Variants in ADAM22 observed in about 807,000 individuals in gnomAD.
ADAM22 encodes the protein ADAM metallopeptidase domain 22, also known as disintegrin and metalloproteinase domain-containing protein 22.
ADAM22 carries 65 observed loss-of-function variants against 144.6 expected under a neutral mutation model. The ratio of observed to expected loss-of-function variants is 0.45; its 90% CI spans 0.37 to 0.55. ADAM22 has a LOEUF of 0.55. Ranked by LOEUF, ADAM22 falls within the 20% of genes least tolerant of loss-of-function variation. The pLI is 0.00. For synonymous variants in ADAM22, 391 were observed against 412.6 expected, an observed-to-expected ratio of 0.95 and a Z score of 0.63; for missense variants, 974 against 1,184.9, an observed-to-expected ratio of 0.82 and a Z score of 2.61.
At chr7:88,174,836 A>G (rs1845243842) in intron 26 of ADAM22, among the ~76,000 whole-genome samples, 1 of 151,554 alleles carries the variant, frequency 6.6e-6, no homozygotes, top group Non-Finnish European at 1.5e-5. Flanking sequence ...TAGCCACTTT[A>G]TTTTCTACTT....
intron 3 of ADAM22, among the ~76,000 whole-genome samples, chr7:88,024,213 G>A (rs1319449731): frequency 6.6e-6 from 1 of 152,092 alleles, no homozygotes. Flanking sequence ...CTAACAATGG[G>A]ATTTCTGGAT....
At chr7:88,194,778 C>G (rs1384361030) in intron 31 of ADAM22, among the ~76,000 whole-genome samples, 1 of 152,164 alleles carries the variant, frequency 6.6e-6, no homozygotes, top group Non-Finnish European at 1.5e-5. Context: ...ATCTGAGCAT[C>G]AGTTCAGATC....
chr7:88,062,219 A>G (rs889764731), intron 3 of ADAM22, among the ~76,000 whole-genome samples: 33 of 152,182 alleles, frequency 2.2e-4, no homozygotes, highest in Admixed American at 1.3e-4. Flanking sequence ...TCTTCTTCCA[A>G]TAAAAGGCTG....
chr7:88,184,179 C>A, intron 29 of ADAM22: 1 of 184,512 alleles, frequency 5.4e-6, no homozygotes, highest in Non-Finnish European at 1.2e-5. Flanking sequence ...ATAAAATGTC[C>A]TCATATATTG....
chr7:88,039,464 A>AAAAAAAAAAAAAAAAATATATATATATAT, intron 3 of ADAM22, among the ~76,000 whole-genome samples: 3 of 76,400 alleles, frequency 3.9e-5, no homozygotes, highest in African/African-American at 1.4e-4. Context: ...AAAAAAAAAA[A>AAAAAAAAAAAAAAAAATATATATATATAT]ATATATATAT....
At chr7:88,158,988 T>A (rs1840787540) in intron 22 of ADAM22, among the ~76,000 whole-genome samples, 1 of 150,710 alleles carries the variant, frequency 6.6e-6, no homozygotes, top group Non-Finnish European at 1.5e-5. Context: ...TTTGGAAAAA[T>A]TAATAAGATA....
chr7:87,947,743 A>G (rs1456447308), intron 2 of ADAM22, among the ~76,000 whole-genome samples: 1 of 152,160 alleles, frequency 6.6e-6, no homozygotes, highest in Admixed American at 6.5e-5. Context: ...GTGTTTTCTT[A>G]AGTGTTCTGA....
At chr7:87,949,371 C>A (rs1844469175) in intron 2 of ADAM22, among the ~76,000 whole-genome samples, 3 of 152,220 alleles carry the variant, frequency 2.0e-5, no homozygotes, top group Admixed American at 2.0e-4. Context: ...TGACGTTCTA[C>A]CACATAAAGT....
At chr7:88,127,963 G>A (rs1329687927) in intron 8 of ADAM22, among the ~76,000 whole-genome samples, 1 of 151,956 alleles carries the variant, frequency 6.6e-6, no homozygotes, top group Admixed American at 6.6e-5. Context: ...AGCAGAGAAA[G>A]CTAGCTGTAA....
chr7:87,973,949 TA>T (rs1368358617), intron 2 of ADAM22, among the ~76,000 whole-genome samples: 82 of 148,868 alleles, frequency 5.5e-4, no homozygotes, highest in Non-Finnish European at 3.4e-4. Flanking sequence ...GGGGTAGGGG[TA>T]GGGGGTGGGA....
At chr7:87,940,948 A>G (rs895326654) in intron 2 of ADAM22, among the ~76,000 whole-genome samples, 3 of 152,250 alleles carry the variant, frequency 2.0e-5, no homozygotes, top group Non-Finnish European at 4.4e-5. Context: ...TTTGATACAC[A>G]TAATTGCTAT....
At chr7:88,017,793 A>G (rs1329067625) in intron 3 of ADAM22, among the ~76,000 whole-genome samples, 4 of 151,888 alleles carry the variant, frequency 2.6e-5, no homozygotes, top group Admixed American at 6.6e-5. Context: ...GTATATATAT[A>G]TATGTGTGTG....
intron 2 of ADAM22, among the ~76,000 whole-genome samples, chr7:87,964,262 G>A (rs1223045729): frequency 6.6e-6 from 1 of 152,180 alleles, no homozygotes; most frequent in Non-Finnish European, 1.5e-5. Context: ...GTATACACGT[G>A]CACACACAAG....
chr7:88,111,914 T>C (rs1167807854), intron 5 of ADAM22, among the ~76,000 whole-genome samples: 1 of 152,314 alleles, frequency 6.6e-6, no homozygotes, highest in East Asian at 1.9e-4. Context: ...GATGTTTAAG[T>C]CCAATAAAAA....
chr7:88,100,992 C>G (rs7793051), intron 4 of ADAM22, among the ~76,000 whole-genome samples: 4 of 149,020 alleles, frequency 2.7e-5, no homozygotes, highest in Non-Finnish European at 1.5e-5. Flanking sequence ...CAGTGTATAC[C>G]CTTGGGGGGA....
chr7:88,052,612 C>G (rs1806817019), intron 3 of ADAM22, among the ~76,000 whole-genome samples: 1 of 152,122 alleles, frequency 6.6e-6, no homozygotes, highest in Admixed American at 6.5e-5. Context: ...ACACATATCA[C>G]AAAATTTGTG....
At chr7:87,998,775 G>C (rs1385322128) in intron 3 of ADAM22, among the ~76,000 whole-genome samples, 2 of 152,154 alleles carry the variant, frequency 1.3e-5, no homozygotes, top group East Asian at 1.9e-4. Context: ...ATCAGTGTTT[G>C]ATTGAATAGG....
chr7:88,149,191 G>T, intron 18 of ADAM22, 134 bp downstream of exon 18: 1 of 671,612 alleles, frequency 1.5e-6, no homozygotes, highest in Non-Finnish European at 2.5e-6. Flanking sequence ...TTTTTTTTAG[G>T]AATTTAAGTT....
chr7:88,178,281 C>T lies in ADAM22; in HGVS notation c.2301-654C>T, dbSNP rs1465451140. On this transcript the variant is annotated intron_variant, in intron 26 of 31. Coordinates refer to ENST00000413139, the MANE Select transcript of ADAM22 (RefSeq NM_001324418.2). ...GCAAAAATTCAGTTATTTTTTTCAA[C>T]CTTTTCTTGCTCTTGTTAAATTATC... Among the ~76,000 whole-genome samples, 13 of 152,046 alleles carry T rather than the reference C, an allele frequency of 8.6e-5. 1 individual carries two copies.
Sources: allele counts gnomAD v4.1 joint callset (sites outside exome capture counted in the v4.1 genomes callset), GRCh38; gene constraint gnomAD v4.1.1; transcripts MANE v1.5; gene names NCBI Gene and HGNC (gene_info 2026-07-23, HGNC 2026-07-21).